PVT1: variants seen among roughly 807,000 people sequenced by gnomAD.
The protein encoded by PVT1 is CXCR4/PVT1 fusion.
intron 5 of PVT1, among the ~76,000 whole-genome samples, chr8:128,073,836 G>C (rs1356586550): frequency 1.3e-5 from 2 of 148,962 alleles, no homozygotes; most frequent in African/African-American, 5.0e-5. Flanking sequence ...AAAACTGCTA[G>C]TCAGAGATGC....
chr8:127,910,912 T>TGA (rs59712883), intron 3 of PVT1, among the ~76,000 whole-genome samples: 47,298 of 148,714 alleles, frequency 0.32, 7,462 homozygotes, highest in Admixed American at 0.41. Context: ...TGTGTGTGTG[T>TGA]GAGAGAGAGA....
chr8:127,929,828 G>T (rs895614184), intron 3 of PVT1, among the ~76,000 whole-genome samples: 1 of 152,116 alleles, frequency 6.6e-6, no homozygotes, highest in Non-Finnish European at 1.5e-5. Context: ...AATGGTTCCA[G>T]ACTGAAAGAG....
intron 2 of PVT1, among the ~76,000 whole-genome samples, chr8:127,837,725 G>A (rs975876582): frequency 1.3e-5 from 2 of 152,016 alleles, no homozygotes; most frequent in African/African-American, 4.8e-5. Flanking sequence ...ATGGGGAAAC[G>A]GAGCCAGGGG....
intron 5 of PVT1, among the ~76,000 whole-genome samples, chr8:128,088,351 C>G (rs1160052267): frequency 6.6e-6 from 1 of 152,112 alleles, no homozygotes; most frequent in Non-Finnish European, 1.5e-5. Flanking sequence ...AAGACACACT[C>G]AGGGCTTCAG....
chr8:128,011,944 G>A (rs1242295715), intron 4 of PVT1, among the ~76,000 whole-genome samples: 1 of 152,156 alleles, frequency 6.6e-6, no homozygotes, highest in African/African-American at 2.4e-5. Context: ...CTACTGAGAG[G>A]GGGTGGGGCT....
At chr8:127,967,005 C>G (rs1286990883) in intron 3 of PVT1, among the ~76,000 whole-genome samples, 1 of 152,144 alleles carries the variant, frequency 6.6e-6, no homozygotes, top group African/African-American at 2.4e-5. Context: ...CCCTTTGCCC[C>G]AGAAAGGAAA....
At chr8:128,066,688 G>A (rs552345883) in intron 4 of PVT1, among the ~76,000 whole-genome samples, 141 of 152,306 alleles carry the variant, frequency 9.3e-4, no homozygotes, top group Admixed American at 2.4e-3. Flanking sequence ...CCTGTAGGTG[G>A]GAGGTGGCAG....
intron 2 of PVT1, among the ~76,000 whole-genome samples, chr8:127,888,351 C>T (rs1476127113): frequency 6.6e-6 from 1 of 152,148 alleles, no homozygotes; most frequent in Non-Finnish European, 1.5e-5. Context: ...AGGCAGCTAG[C>T]TTGATTTCCA....
chr8:128,046,958 C>T (rs1813622118), intron 4 of PVT1, among the ~76,000 whole-genome samples: 1 of 152,186 alleles, frequency 6.6e-6, no homozygotes, highest in Non-Finnish European at 1.5e-5. Context: ...TTCACGGTCC[C>T]CCACAGTGTC....
At chr8:128,047,951 A>G (rs1813640406) in intron 4 of PVT1, among the ~76,000 whole-genome samples, 1 of 152,200 alleles carries the variant, frequency 6.6e-6, no homozygotes, top group Admixed American at 6.5e-5. Context: ...TCTTGAAGCT[A>G]TATTAACTAC....
intron 3 of PVT1, among the ~76,000 whole-genome samples, chr8:127,892,567 C>G (rs1236810755): frequency 2.6e-5 from 4 of 152,184 alleles, no homozygotes; most frequent in Non-Finnish European, 5.9e-5. Context: ...TCTGAGGGGC[C>G]ATGTACCTTC....
intron 2 of PVT1, among the ~76,000 whole-genome samples, chr8:127,860,819 C>T (rs973754333): frequency 2.1e-4 from 32 of 151,016 alleles, no homozygotes; most frequent in Non-Finnish European, 3.7e-4. Context: ...AGCTTTCTGT[C>T]TCCTGTGGAG....
chr8:128,031,621 G>T (rs1400992306), intron 4 of PVT1, among the ~76,000 whole-genome samples: 1 of 152,220 alleles, frequency 6.6e-6, no homozygotes, highest in Non-Finnish European at 1.5e-5. Context: ...CTGTGTGTGT[G>T]CATCTGATAA....
At chr8:128,007,674 C>T (rs956634468) in intron 4 of PVT1, among the ~76,000 whole-genome samples, 1 of 152,194 alleles carries the variant, frequency 6.6e-6, no homozygotes, top group Non-Finnish European at 1.5e-5. Context: ...AGGTATGAGA[C>T]ACCTTTTACT....
At chr8:128,019,205 A>T (rs1817406624) in intron 4 of PVT1, among the ~76,000 whole-genome samples, 2 of 152,256 alleles carry the variant, frequency 1.3e-5, no homozygotes. Context: ...ATGAGGAATT[A>T]CAGCCTGGTG....
At chr8:127,812,675 A>AAGGAGAGGAAGGAGG (rs1335767931) in intron 2 of PVT1, among the ~76,000 whole-genome samples, 1 of 147,650 alleles carries the variant, frequency 6.8e-6, no homozygotes, top group South Asian at 2.2e-4. Flanking sequence ...GAGGGAAGGG[A>AAGGAGAGGAAGGAGG]GGAAGGTAGG....
chr8:127,845,690 A>G (rs1815023687), intron 2 of PVT1, among the ~76,000 whole-genome samples: 2 of 152,222 alleles, frequency 1.3e-5, no homozygotes, highest in African/African-American at 4.8e-5. Flanking sequence ...CAGGGGCATA[A>G]ATAATACATT....
At position 127,866,320 on chromosome 8, in the gene PVT1, C is replaced by T. The variant is rs151336410; in HGVS notation, n.373-24269C>T. Among the ~76,000 whole-genome samples, 1,151 of 152,070 alleles carry T rather than the reference C, an allele frequency of 7.6e-3. 6 individuals are homozygous for T. Among genetic ancestry groups the T allele is most frequent in the Non-Finnish European group, 0.013 (855 of 67,954 alleles). The stretch of plus-strand genomic sequence containing the variant: ...TGTCTGTGTAGGGAGCATGGCTGCC[C>T]CTGGGTCTGCTTTCCTGCCCCTGAC... On this transcript the variant is annotated intron_variant and non_coding_transcript_variant, in intron 2 of 10. Transcript: ENST00000651587.
At chr8:128,042,269 C>T (rs1284817299) in intron 4 of PVT1, among the ~76,000 whole-genome samples, 1 of 152,124 alleles carries the variant, frequency 6.6e-6, no homozygotes, top group African/African-American at 2.4e-5. Context: ...GAATGTTTAA[C>T]CCATATTTTC....
Sources: allele counts gnomAD v4.1 joint callset (sites outside exome capture counted in the v4.1 genomes callset), GRCh38; gene constraint gnomAD v4.1.1; transcripts MANE v1.5; gene names NCBI Gene and HGNC (gene_info 2026-07-23, HGNC 2026-07-21).